Variants in DDX31 observed in about 807,000 individuals in gnomAD.
DDX31 encodes the protein DEAD-box helicase 31, also known as ATP-dependent DNA helicase DDX31.
DDX31 carries 70 observed loss-of-function variants against 91.3 expected under a neutral mutation model. The ratio of observed to expected loss-of-function variants is 0.77; its 90% CI spans 0.63 to 0.94. The LOEUF (loss-of-function observed/expected upper bound fraction) is 0.94, where lower values mean the gene tolerates loss of function less well. DDX31 is among the 40% of genes least tolerant of loss of function. The probability of loss-of-function intolerance (pLI) is 0.00; values close to 1 mark genes in which losing one functional copy is unlikely to be tolerated. For missense variants in DDX31, 902 were observed against 925.0 expected, an observed-to-expected ratio of 0.98 and a Z score of 0.32; for synonymous variants, 362 against 350.6, an observed-to-expected ratio of 1.03 and a Z score of -0.36.
chr9:132,603,835 G>A (rs1830856851), intron 19 of DDX31, among the ~76,000 whole-genome samples: 1 of 152,170 alleles, frequency 6.6e-6, no homozygotes, highest in Non-Finnish European at 1.5e-5. Context: ...GCTGTCTGCA[G>A]GTGACCCAGG....
chr9:132,598,450 AG>A (rs1830555284), intron 19 of DDX31, among the ~76,000 whole-genome samples: 2 of 152,208 alleles, frequency 1.3e-5, no homozygotes, highest in South Asian at 4.1e-4. Context: ...ATCTAACCAC[AG>A]GGAACTCCCT....
Position 132,615,271 on chromosome 9 carries a change from T to C in DDX31, c.1826-3016A>G, listed in dbSNP as rs150081988. On this transcript the variant is annotated intron_variant, in intron 18 of 19. Coordinates refer to ENST00000372159, the MANE Select transcript of DDX31 (RefSeq NM_022779.9). ...TGGATCAGAAACTAGTGGTATCTTA[T>C]GATGACTTGTAAGATGAAGGAGACA... 6.0e-3 allele frequency among the ~76,000 whole-genome samples: 918 copies of C among 152,324 alleles called. 8 individuals are homozygous for C. Among genetic ancestry groups the C allele is most frequent in the Middle Eastern group, 0.017 (5 of 294 alleles).
At chr9:132,660,944 A>G (rs1028228140) in intron 4 of DDX31, 5 of 460,450 alleles carry the variant, frequency 1.1e-5, no homozygotes, top group African/African-American at 8.1e-5. Flanking sequence ...AGCACAGAAA[A>G]CAGCGGCGCT....
At chr9:132,628,885 T>C (rs1832556376) in intron 16 of DDX31, among the ~76,000 whole-genome samples, 1 of 152,272 alleles carries the variant, frequency 6.6e-6, no homozygotes, top group Non-Finnish European at 1.5e-5. Context: ...GCTTTCTGCA[T>C]GTACACAAAT....
intron 17 of DDX31, 76 bp downstream of exon 17, chr9:132,625,588 T>C (rs1473886650): frequency 3.5e-5 from 37 of 1,069,982 alleles, no homozygotes; most frequent in Non-Finnish European, 4.9e-5. Context: ...AAGTAACCCA[T>C]ACACAAAGTC....
At chr9:132,613,209 T>C (rs555457437) in intron 18 of DDX31, among the ~76,000 whole-genome samples, 24 of 152,158 alleles carry the variant, frequency 1.6e-4, no homozygotes, top group Admixed American at 3.9e-4. Flanking sequence ...AAAACCAAGT[T>C]CATTCTAAAA....
intron 19 of DDX31, among the ~76,000 whole-genome samples, chr9:132,601,627 A>G (rs1830726863): frequency 6.6e-6 from 1 of 152,198 alleles, no homozygotes; most frequent in African/African-American, 2.4e-5. Context: ...TTTCCATTGT[A>G]AGTCTGGATA....
At chr9:132,602,980 TGA>T (rs1830799357) in intron 19 of DDX31, among the ~76,000 whole-genome samples, 1 of 152,110 alleles carries the variant, frequency 6.6e-6, no homozygotes. Context: ...GGCCCTTGGC[TGA>T]GAGTTTGGGC....
At position 132,595,344 on chromosome 9, in the gene DDX31, A is replaced by G. The variant is rs1473505394; in HGVS notation, c.1995-232T>C. 2.0e-5 allele frequency among the ~76,000 whole-genome samples: 3 copies of G among 152,170 alleles called. No homozygotes were observed. The highest frequency in any genetic ancestry group is 4.4e-5 in the Non-Finnish European group (3 of 68,016). ...AAATATCATGGCATTTTTAAAAGTG[A>G]GGCTTTGTTCTGTGTTGTTTTCATG... On this transcript the variant is annotated intron_variant, in intron 19 of 19. Coordinates refer to ENST00000372159, the MANE Select transcript of DDX31 (RefSeq NM_022779.9). This position sits in a 1 kb window ranked among gnomAD's most constrained non-coding sequence, Gnocchi z 4.6.
chr9:132,659,270 G>A (rs1834781913), intron 5 of DDX31, among the ~76,000 whole-genome samples: 1 of 152,218 alleles, frequency 6.6e-6, no homozygotes, highest in Non-Finnish European at 1.5e-5. Flanking sequence ...GAGGGCACAT[G>A]AGGGTCAAAA....
intron 14 of DDX31, among the ~76,000 whole-genome samples, chr9:132,634,998 T>C (rs1833019477): frequency 6.6e-6 from 1 of 151,984 alleles, no homozygotes; most frequent in East Asian, 1.9e-4. Flanking sequence ...ACTTAGTTTT[T>C]CGATGTCTGT....
Position 132,648,535 on chromosome 9 carries a change from T to G in DDX31, c.757A>C (p.Asn253His). ...CGTCCAGGAGTTGAGATAAGGATATTTATTCCTTTGCGGAGTCTGTTTAAA... is the reference window on the plus strand; with the variant it reads ...CGTCCAGGAGTTGAGATAAGGATATGTATTCCTTTGCGGAGTCTGTTTAAA... ...SEKARLRKGI[N>H]ILISTPGRLV... Residue 253 changes from asparagine (N) to histidine (H), a missense_variant, in exon 10 of 20, where the codon AAT becomes CAT. Transcript: ENST00000372159. 6 of 1,612,116 alleles carry G rather than the reference T, an allele frequency of 3.7e-6. No homozygotes were observed. The highest frequency in any genetic ancestry group is 5.1e-6 in the Non-Finnish European group (6 of 1,179,460).
intron 1 of DDX31, chr9:132,669,631 C>A: frequency 6.5e-7 from 1 of 1,529,892 alleles, no homozygotes; most frequent in Non-Finnish European, 8.7e-7. Flanking sequence ...AGCCAGCTCC[C>A]CGCCCCTCCA....
Position 132,646,801 on chromosome 9 carries a change from C to G in DDX31, c.1203+22G>C, listed in dbSNP as rs370402891. 1.9e-6 allele frequency: 3 copies of G among 1,608,816 alleles called. No individual in the cohort carries two copies. The East Asian group carries it at 6.7e-5, about 36-fold the overall frequency. ...CAGGCCTTTCTTCCCTGAATCAAGT[C>G]GGCTCTAGCCCACAGTCCCACCTTG... On this transcript the variant is annotated intron_variant, in intron 12 of 19. Transcript: ENST00000372159.
At chr9:132,632,410 C>T (rs147401290) in intron 14 of DDX31, among the ~76,000 whole-genome samples, 9 of 152,004 alleles carry the variant, frequency 5.9e-5, no homozygotes, top group Admixed American at 2.6e-4. Flanking sequence ...AGTCACAACA[C>T]CCTTTGCTAA....
intron 14 of DDX31, chr9:132,638,257 A>G (rs1177793252): frequency 1.9e-6 from 3 of 1,601,684 alleles, no homozygotes; most frequent in Non-Finnish European, 2.6e-6. Flanking sequence ...CAGGTGGCTT[A>G]GAAACTCCAT....
chr9:132,593,196 G>A lies in DDX31; in HGVS notation c.*1670C>T, dbSNP rs991350412. On this transcript the variant is annotated 3_prime_UTR_variant, in exon 20 of 20. Coordinates refer to ENST00000372159, the MANE Select transcript of DDX31 (RefSeq NM_022779.9). ...TGTAAGTTTTGATCTTGGAATTATC[G>A]TCACTCACACGTTGCATGATTCTAG... The A allele has an allele frequency of 2.6e-5, 4 of 152,134 alleles. No individual in the cohort carries two copies. Among genetic ancestry groups the A allele is most frequent in the Non-Finnish European group, 1.5e-5 (1 of 68,032 alleles). The allele number at this position is 152,134 out of a possible 1,614,324, so 9.4% of individuals were successfully genotyped here. A position where few individuals can be genotyped will look rare whatever the true frequency, so the allele number is the denominator to read the frequency against.
At chr9:132,644,546 C>A (rs576942128) in intron 13 of DDX31, among the ~76,000 whole-genome samples, 47 of 152,296 alleles carry the variant, frequency 3.1e-4, no homozygotes, top group Non-Finnish European at 5.0e-4. Flanking sequence ...ATAAACAGCA[C>A]GCTAGACTAC....
chr9:132,631,024 T>TA, intron 15 of DDX31, among the ~76,000 whole-genome samples: 1 of 152,244 alleles, frequency 6.6e-6, no homozygotes, highest in Non-Finnish European at 1.5e-5. Flanking sequence ...GGTAGGGACA[T>TA]GCTTCTGCTT....
Sources: gnomAD v4.1 joint callset for allele counts (sites outside exome capture counted in the v4.1 genomes callset) on GRCh38, gnomAD v4.1.1 for gene constraint, Gnocchi (gnomAD v3.1) non-coding constraint, MANE v1.5 for transcripts, NCBI Gene and HGNC (gene_info 2026-07-23, HGNC 2026-07-21) for gene names.